The following ZNF800 variants were observed in gnomAD, a reference collection of about 807,000 sequenced individuals.
ZNF800 encodes zinc finger protein 800.
ZNF800 carries 13 observed loss-of-function variants against 59.5 expected under a neutral mutation model. That is an observed-to-expected ratio of 0.22 (90% CI 0.14 to 0.35). The LOEUF (loss-of-function observed/expected upper bound fraction) is 0.35, where lower values mean the gene tolerates loss of function less well. Ranked by LOEUF, ZNF800 falls within the 10% of genes least tolerant of loss-of-function variation. ZNF800 has a pLI of 1.00. For synonymous variants in ZNF800, 266 were observed against 265.7 expected (o/e 1.00, Z -0.01); for missense variants, 621 against 783.7 (o/e 0.79, Z 2.48).
At position 127,371,763 on chromosome 7, in the gene ZNF800, G is replaced by C. The variant is rs1800636905; in HGVS notation, c.*51C>G. On this transcript the variant is annotated 3_prime_UTR_variant, in exon 6 of 6. Coordinates refer to ENST00000265827, the MANE Select transcript of ZNF800 (RefSeq NM_176814.5). Reference sequence around the variant, plus strand: ...TTAGTGGTTCTAACACCAATTTAAAGTCTTTCCACAAAAATGAACTCCAAA... The same window carrying C: ...TTAGTGGTTCTAACACCAATTTAAACTCTTTCCACAAAAATGAACTCCAAA... 1 of 748,140 alleles carries C rather than the reference G, an allele frequency of 1.3e-6. No homozygotes were observed. Among genetic ancestry groups the C allele is most frequent in the South Asian group, 1.5e-5 (1 of 68,136 alleles). 46.3% of individuals were successfully genotyped at this position (748,140 alleles called of 1,614,324 possible).
intron 1 of ZNF800, among the ~76,000 whole-genome samples, chr7:127,352,180 A>G (rs1800178454): frequency 6.6e-6 from 1 of 152,262 alleles, no homozygotes; most frequent in Admixed American, 6.5e-5. Flanking sequence ...ACACTCATCT[A>G]TAAACATGGC....
downstream of ZNF800, among the ~76,000 whole-genome samples, chr7:127,366,292 C>T (rs745949598): frequency 6.6e-6 from 1 of 152,050 alleles, no homozygotes; most frequent in Non-Finnish European, 1.5e-5. Flanking sequence ...CACAGTAAGC[C>T]CAAATGTGGA....
At chr7:127,346,843 TG>T (rs2117002850) in exon 2 of ZNF800, 1 of 152,616 alleles carries the variant, frequency 6.6e-6, no homozygotes, top group South Asian at 2.1e-4. Flanking sequence ...AGAGGGGAAC[TG>T]GGCCCAAGAG....
chr7:127,386,974 G>A (rs1040194728), intron 2 of ZNF800, among the ~76,000 whole-genome samples: 2 of 151,760 alleles, frequency 1.3e-5, no homozygotes, highest in Non-Finnish European at 2.9e-5. Flanking sequence ...GGATTTTCAG[G>A]GATGTTTGCT....
chr7:127,391,698 T>G, intron 1 of ZNF800, 83 bp from the exon 2 acceptor site: 1 of 715,648 alleles, frequency 1.4e-6, no homozygotes, highest in Non-Finnish European at 2.5e-6. Flanking sequence ...GTTCCCATCA[T>G]CAGCTCTCCG....
At chr7:127,353,826 G>A (rs1800217265) in intron 1 of ZNF800, among the ~76,000 whole-genome samples, 1 of 126,854 alleles carries the variant, frequency 7.9e-6, no homozygotes, top group Non-Finnish European at 1.6e-5. Flanking sequence ...AGCAATAATT[G>A]CACTGATAGA....
intron 2 of ZNF800, 91 bp downstream of exon 2, chr7:127,391,406 A>T: frequency 8.1e-7 from 1 of 1,236,118 alleles, no homozygotes; most frequent in Non-Finnish European, 1.2e-6. Context: ...AAGAATGACT[A>T]CTGGGGCAGG....
At chr7:127,352,003 A>T (rs1440230331) in intron 1 of ZNF800, among the ~76,000 whole-genome samples, 4 of 152,256 alleles carry the variant, frequency 2.6e-5, no homozygotes, top group African/African-American at 7.2e-5. Context: ...AAGAAACTGA[A>T]ATTTAAAAGA....
At chr7:127,369,823 T>C (rs1360684885), downstream of ZNF800, among the ~76,000 whole-genome samples, 1 of 151,932 alleles carries the variant, frequency 6.6e-6, no homozygotes, top group Admixed American at 6.6e-5. Flanking sequence ...ATTCCAGCAA[T>C]GGGCTCCCCT....
intron 1 of ZNF800, chr7:127,351,284 T>TC (rs1176738331): frequency 6.6e-6 from 1 of 152,260 alleles, no homozygotes; most frequent in East Asian, 1.9e-4. Flanking sequence ...TCAAATCCTG[T>TC]CCATCTCTCA....
rs374469109 is a variant in ZNF800 at position 127,352,757 on chromosome 7, T to C, written n.225-4714A>G. Among the ~76,000 whole-genome samples the C allele has an allele frequency of 1.5e-4, 23 of 152,324 alleles. No homozygotes were observed. In the East Asian group the frequency reaches 4.0e-3, roughly 27 times the overall value. On this transcript the variant is annotated intron_variant and non_coding_transcript_variant, in intron 1 of 1. Coordinates refer to the ZNF800 transcript ENST00000485577. The stretch of plus-strand genomic sequence containing the variant: ...AGGGATACAGTCTTCTAATACCTAG[T>C]TACCTCTCTGGATGAACCAATAATC...
downstream of ZNF800, among the ~76,000 whole-genome samples, chr7:127,344,558 G>T (rs186558911): frequency 1.3e-5 from 2 of 151,824 alleles, no homozygotes; most frequent in African/African-American, 4.8e-5. Context: ...AAAAAATATA[G>T]CCAAAAATAT....
chr7:127,376,123 C>A (rs960587978), intron 4 of ZNF800, among the ~76,000 whole-genome samples: 6 of 151,744 alleles, frequency 4.0e-5, no homozygotes, highest in African/African-American at 1.5e-4. Flanking sequence ...ATTTATATCT[C>A]AATGAGAGAA....
At chr7:127,366,755 C>T (rs961316680), downstream of ZNF800, among the ~76,000 whole-genome samples, 3 of 152,082 alleles carry the variant, frequency 2.0e-5, no homozygotes, top group African/African-American at 4.8e-5. Flanking sequence ...ATGTTTTATG[C>T]CACTGACTCT....
downstream of ZNF800, among the ~76,000 whole-genome samples, chr7:127,369,157 C>T (rs147077315): frequency 3.5e-4 from 54 of 152,214 alleles, 1 homozygote; most frequent in Non-Finnish European, 6.3e-4. Context: ...GAAGAGCAAC[C>T]TACGCCTGTT....
intron 1 of ZNF800, among the ~76,000 whole-genome samples, chr7:127,354,230 ATTTT>A (rs1800225552): frequency 6.6e-6 from 1 of 152,094 alleles, no homozygotes; most frequent in Non-Finnish European, 1.5e-5. Context: ...TTCCCTTATT[ATTTT>A]TTAACTTTCA....
chr7:127,377,283 A>G lies in ZNF800; in HGVS notation c.204T>C (p.Ile68=), dbSNP rs768555973. 1 of 1,611,010 alleles carries G rather than the reference A, an allele frequency of 6.2e-7. No individual in the cohort carries two copies. The highest frequency in any genetic ancestry group is 8.5e-7 in the Non-Finnish European group (1 of 1,177,858). The change falls in exon 4 of 6, where the codon ATT becomes ATC. Residue 68 remains isoleucine (I), a synonymous_variant. Transcript: ENST00000265827. The surrounding 1 kb of genome is among the most constrained non-coding windows in gnomAD (Gnocchi z 4.7). ...KHILLKDVDT[I]FECKLCRSLF... is the part of the protein sequence containing the mutation. ...GACTGCGGCATAACTTACATTCAAA[A>G]ATAGTGTCCACATCTTTTAATAAAA...
intron 1 of ZNF800, chr7:127,362,945 A>G (rs1800423386): frequency 6.6e-6 from 1 of 152,194 alleles, no homozygotes; most frequent in Admixed American, 6.5e-5. Context: ...CAAAACTACT[A>G]AAAGTGGAGA....
chr7:127,384,411 T>A (rs1801077057), intron 3 of ZNF800, among the ~76,000 whole-genome samples: 1 of 151,678 alleles, frequency 6.6e-6, no homozygotes, highest in South Asian at 2.1e-4. Flanking sequence ...ATTTTTTGTA[T>A]TTTTAGTAGA....
Sources: allele counts gnomAD v4.1 joint callset (sites outside exome capture counted in the v4.1 genomes callset), GRCh38; gene constraint gnomAD v4.1.1; non-coding constraint Gnocchi (gnomAD v3.1); transcripts MANE v1.5; gene names NCBI Gene and HGNC (gene_info 2026-07-23, HGNC 2026-07-21).